Variants in ZNF33A observed in about 807,000 individuals in gnomAD.
ZNF33A encodes zinc finger protein 33A, also known as brain my041 protein.
Under a neutral mutation model 15.9 loss-of-function variants are expected in ZNF33A, and 9 were observed. The ratio of observed to expected loss-of-function variants is 0.57; its 90% confidence interval spans 0.34 to 0.99. The LOEUF is 0.99. ZNF33A is among the 50% of genes least tolerant of loss of function. ZNF33A has a pLI of 0.02. For synonymous variants in ZNF33A, 294 were observed against 324.2 expected (o/e 0.91, Z 1.00); for missense variants, 843 against 941.6 (o/e 0.90, Z 1.37).
At chr10:38,041,503 T>C (rs970309325) in intron 4 of ZNF33A, among the ~76,000 whole-genome samples, 1 of 151,970 alleles carries the variant, frequency 6.6e-6, no homozygotes, top group Non-Finnish European at 1.5e-5. Context: ...CTTATATGTA[T>C]CTCTATTTTC....
At chr10:38,018,574 A>T (rs1160183642) in intron 4 of ZNF33A, among the ~76,000 whole-genome samples, 2 of 152,196 alleles carry the variant, frequency 1.3e-5, no homozygotes, top group Non-Finnish European at 2.9e-5. Flanking sequence ...TTTCTATAAG[A>T]TCTTTCTCAC....
chr10:38,059,471 C>T lies in ZNF33A; in HGVS notation c.*2911C>T, dbSNP rs1221907273. 2 of 152,188 alleles carry T rather than the reference C, an allele frequency of 1.3e-5. No homozygotes were observed. Among genetic ancestry groups the T allele is most frequent in the Non-Finnish European group, 2.9e-5 (2 of 68,026 alleles). The allele number at this position is 152,188 out of a possible 1,614,324, so 9.4% of individuals were successfully genotyped here. On this transcript the variant is annotated 3_prime_UTR_variant, in exon 5 of 5. Coordinates refer to ENST00000432900, the MANE Select transcript of ZNF33A (RefSeq NM_006954.2). ...TAGAGAATTCTAAATAACAAAAACCCTGCTGACATTAATAAGCAATTACAG... is the reference window on the plus strand; with the variant it reads ...TAGAGAATTCTAAATAACAAAAACCTTGCTGACATTAATAAGCAATTACAG...
intron 4 of ZNF33A, among the ~76,000 whole-genome samples, chr10:38,025,570 C>G (rs1185907880): frequency 6.6e-6 from 1 of 152,232 alleles, no homozygotes; most frequent in Non-Finnish European, 1.5e-5. Context: ...AGGCCCTCAC[C>G]AGGCCCTGGC....
At chr10:38,026,373 C>T (rs538249493) in intron 4 of ZNF33A, among the ~76,000 whole-genome samples, 2 of 152,202 alleles carry the variant, frequency 1.3e-5, no homozygotes, top group Non-Finnish European at 2.9e-5. Flanking sequence ...CTTACCCTGT[C>T]GCCCAGACTG....
chr10:38,021,032 G>A (rs977714327), intron 4 of ZNF33A, among the ~76,000 whole-genome samples: 1 of 152,174 alleles, frequency 6.6e-6, no homozygotes, highest in African/African-American at 2.4e-5. Context: ...TTCCTGCGGG[G>A]GGAGTGGGTA....
chr10:38,032,479 G>T (rs564763822), intron 4 of ZNF33A, among the ~76,000 whole-genome samples: 1 of 152,028 alleles, frequency 6.6e-6, no homozygotes, highest in Admixed American at 6.6e-5. Flanking sequence ...GTCTTGCTCT[G>T]TTGCCCACGC....
At chr10:38,025,270 T>C (rs1432292495) in intron 4 of ZNF33A, among the ~76,000 whole-genome samples, 1 of 152,206 alleles carries the variant, frequency 6.6e-6, no homozygotes, top group Non-Finnish European at 1.5e-5. Context: ...AGAACATACA[T>C]ATAGAATGAT....
At chr10:38,020,513 T>A (rs919844131) in intron 4 of ZNF33A, among the ~76,000 whole-genome samples, 3 of 152,094 alleles carry the variant, frequency 2.0e-5, no homozygotes, top group African/African-American at 7.2e-5. Flanking sequence ...CCCCACTACC[T>A]TTCCCAGTCT....
Position 38,057,532 on chromosome 10 carries a change from CA to C in ZNF33A, c.*973del. On this transcript the variant is annotated 3_prime_UTR_variant, in exon 5 of 5. Transcript: ENST00000432900. ...CCTAGTTTAGTAGTGGTTACATTAT[CA>C]GGCCCATCCCAGATGTTTGTGATGT... The C allele has an allele frequency of 2.0e-6, 2 of 985,334 alleles. No individual in the cohort carries two copies. Among genetic ancestry groups the C allele is most frequent in the Non-Finnish European group, 2.4e-6 (2 of 829,860 alleles). 61.0% of individuals were successfully genotyped at this position (985,334 alleles called of 1,614,324 possible). A position where few individuals can be genotyped will look rare whatever the true frequency, so the allele number is the denominator to read the frequency against.
intron 4 of ZNF33A, among the ~76,000 whole-genome samples, chr10:38,040,004 T>C (rs2065625572): frequency 6.6e-6 from 1 of 152,028 alleles, no homozygotes; most frequent in Non-Finnish European, 1.5e-5. Flanking sequence ...TTATTACAGC[T>C]ACAAATCTCT....
intron 4 of ZNF33A, among the ~76,000 whole-genome samples, chr10:38,051,061 A>T (rs1470571472): frequency 2.0e-5 from 3 of 151,458 alleles, no homozygotes; most frequent in Non-Finnish European, 4.4e-5. Context: ...AGTCAATTTT[A>T]AAAATAGTTT....
upstream of ZNF33A, chr10:38,010,621 C>A: frequency 2.3e-6 from 3 of 1,298,942 alleles, no homozygotes; most frequent in Non-Finnish European, 3.3e-6. Flanking sequence ...GCGCCAACAG[C>A]ATCAAGCTGT....
At chr10:38,064,253 G>T, downstream of ZNF33A, 1 of 744,470 alleles carries the variant, frequency 1.3e-6, no homozygotes, top group Non-Finnish European at 2.2e-6. Context: ...CTAGCATGCT[G>T]TGGAAGAGAC....
At chr10:38,028,665 G>C (rs2065087000) in intron 4 of ZNF33A, among the ~76,000 whole-genome samples, 2 of 152,118 alleles carry the variant, frequency 1.3e-5, no homozygotes, top group Middle Eastern at 6.8e-3. Context: ...ATGGAGTTTT[G>C]CTGTGTTGGC....
chr10:38,017,477 C>T, intron 4 of ZNF33A, 91 bp downstream of exon 4: 1 of 953,208 alleles, frequency 1.0e-6, no homozygotes, highest in African/African-American at 1.6e-5. Flanking sequence ...GAAGATTTTT[C>T]AAGAACATCT....
intron 2 of ZNF33A, among the ~76,000 whole-genome samples, chr10:38,014,829 C>T (rs2064371091): frequency 6.6e-6 from 1 of 152,154 alleles, no homozygotes; most frequent in African/African-American, 2.4e-5. Flanking sequence ...AATAAAATAA[C>T]TTGCTGAGAC....
chr10:38,038,399 G>C (rs1321001409), intron 4 of ZNF33A, among the ~76,000 whole-genome samples: 1 of 152,186 alleles, frequency 6.6e-6, no homozygotes, highest in Non-Finnish European at 1.5e-5. Context: ...ATTATGCCCG[G>C]CCAGAATTAT....
chr10:38,061,097 T>C (rs1429078540), downstream of ZNF33A, among the ~76,000 whole-genome samples: 1 of 152,136 alleles, frequency 6.6e-6, no homozygotes, highest in African/African-American at 2.4e-5. Flanking sequence ...GCTCTCTGAT[T>C]ATCATCACTG....
chr10:38,054,791 A>T lies in ZNF33A; in HGVS notation c.667A>T (p.Ile223Leu). 3 of 1,613,696 alleles carry T rather than the reference A, an allele frequency of 1.9e-6. 1 individual carries two copies. Among genetic ancestry groups the T allele is most frequent in the East Asian group, 4.5e-5 (2 of 44,858 alleles). The stretch of plus-strand genomic sequence containing the variant: ...TTTAGAGCACAATTTTGAATACAGT[A>T]TATGTCAGGAAACCCTCCTTGAAAA... Reference protein sequence around the residue: ...QTLEHNFEYSICQETLLEKAV... With the variant: ...QTLEHNFEYSLCQETLLEKAV... The change falls in exon 5 of 5, where the codon ATA (isoleucine) becomes TTA (leucine). Residue 223 changes from isoleucine to leucine, a missense_variant. Ile to Leu is a conservative substitution (Grantham distance 5). Transcript: ENST00000432900.
Sources: allele counts gnomAD v4.1 joint callset (sites outside exome capture counted in the v4.1 genomes callset), GRCh38; gene constraint gnomAD v4.1.1; transcripts MANE v1.5; gene names NCBI Gene and HGNC (gene_info 2026-07-23, HGNC 2026-07-21).